BIRC3: variants seen among roughly 807,000 people sequenced by gnomAD.
The protein encoded by BIRC3 is baculoviral IAP repeat containing 3.
A neutral mutation model predicts 59.0 loss-of-function variants in BIRC3; 26 were observed. The observed-to-expected ratio is 0.44, with a 90% CI of 0.32 to 0.61. The LOEUF is 0.61. BIRC3 is among the 20% of genes least tolerant of loss of function. The probability of loss-of-function intolerance (pLI) is 0.04; values close to 1 mark genes in which losing one functional copy is unlikely to be tolerated. For missense variants in BIRC3, 641 were observed against 711.5 expected (o/e 0.90, Z 1.13); for synonymous variants, 243 against 249.2 (o/e 0.98, Z 0.24).
Position 102,335,897 on chromosome 11 carries a change from A to G in BIRC3, c.1325-69A>G, listed in dbSNP as rs560224874. On this transcript the variant is annotated intron_variant, in intron 6 of 8. Coordinates refer to ENST00000263464, the MANE Select transcript of BIRC3 (RefSeq NM_001165.5). ...AAAGATAGTTTTTATCCTGCTATAT[A>G]TATAGGACTGGAAGGAAGTTTGTGA... The G allele has an allele frequency of 6.0e-4, 882 of 1,462,140 alleles. 1 individual carries two copies. The highest frequency in any genetic ancestry group is 5.8e-3 in the Middle Eastern group (23 of 3,946). The allele number at this position is 1,462,140 out of a possible 1,614,324, so 90.6% of individuals were successfully genotyped here. A position where few individuals can be genotyped will look rare whatever the true frequency, so the allele number is the denominator to read the frequency against.
At position 102,337,239 on chromosome 11, in the gene BIRC3, T is replaced by C; in HGVS notation, c.*137T>C. On this transcript the variant is annotated 3_prime_UTR_variant, in exon 9 of 9. Transcript: ENST00000263464. ...AAAACATTGTTTTGTGTAACATATT[T>C]ATATATGTATCTAAACCATATGAAC... is the stretch of plus-strand genomic sequence containing the variant. 1.7e-6 allele frequency: 1 copy of C among 595,154 alleles called. No homozygotes were observed. The highest frequency in any genetic ancestry group is 2.6e-6 in the Non-Finnish European group (1 of 383,842). The allele number at this position is 595,154 out of a possible 1,614,324, so 36.9% of individuals were successfully genotyped here.
Position 102,338,380 on chromosome 11 carries a change from T to C in BIRC3, c.*1278T>C, listed in dbSNP as rs1477321394. The C allele has an allele frequency of 4.4e-6, 1 of 228,314 alleles. No individual in the cohort carries two copies. 14.1% of individuals were successfully genotyped at this position (228,314 alleles called of 1,614,324 possible). A position where few individuals can be genotyped will look rare whatever the true frequency, so the allele number is the denominator to read the frequency against. Reference sequence around the variant, plus strand: ...ATAAGGGTCACAGCTGACAATCCTATAACAAAAGACAGGTTAACAAGAGAA... The same window carrying C: ...ATAAGGGTCACAGCTGACAATCCTACAACAAAAGACAGGTTAACAAGAGAA... On this transcript the variant is annotated 3_prime_UTR_variant, in exon 9 of 9. Transcript: ENST00000263464.
chr11:102,319,508 T>A lies in BIRC3; in HGVS notation c.-2674+1937T>A, dbSNP rs1951009865. On this transcript the variant is annotated intron_variant, in intron 1 of 8. Transcript: ENST00000263464. ...TCTGAGGCAGTAGGACAGTGTAGGA[T>A]CCCATAAGGGGGCAAGTCTTTAACT... Among the ~76,000 whole-genome samples the A allele has an allele frequency of 2.0e-5, 3 of 152,192 alleles. No individual in the cohort carries two copies. In the South Asian group the frequency reaches 6.2e-4, roughly 31 times the overall value.
intron 3 of BIRC3, among the ~76,000 whole-genome samples, chr11:102,326,330 A>G (rs1951079949): frequency 6.6e-6 from 1 of 152,278 alleles, no homozygotes; most frequent in African/African-American, 2.4e-5. Context: ...GGGTAAGTAT[A>G]GACTCATCTC....
Position 102,330,997 on chromosome 11 carries a change from A to C in BIRC3, c.1082-2A>C. 2 of 1,608,994 alleles carry C rather than the reference A, an allele frequency of 1.2e-6. No homozygotes were observed. The highest frequency in any genetic ancestry group is 1.7e-6 in the Non-Finnish European group (2 of 1,178,214). On this transcript the variant is annotated splice_acceptor_variant, in intron 5 of 8. Transcript: ENST00000263464. LOFTEE classifies it high-confidence loss of function. ...ATGTGTTAAATTCTTTGTTCCATAT[A>C]GTTATCCATTTTGAACCTGGAGAAG...
chr11:102,324,194 G>T lies in BIRC3; in HGVS notation c.-316G>T. ...CTGTGGAGATGCCTGCCATTAAATG[G>T]CATCCTGATGGCTTAATACACATCA... is the stretch of plus-strand genomic sequence containing the variant. On this transcript the variant is annotated 5_prime_UTR_variant, in exon 2 of 9. Transcript: ENST00000263464. 1 of 247,960 alleles carries T rather than the reference G, an allele frequency of 4.0e-6. No homozygotes were observed. Among genetic ancestry groups the T allele is most frequent in the Non-Finnish European group, 7.8e-6 (1 of 128,234 alleles). The allele number at this position is 247,960 out of a possible 1,614,324, so 15.4% of individuals were successfully genotyped here.
In BIRC3 at chr11:102,337,432, C is replaced by T; in HGVS notation, c.*330C>T. The T allele has an allele frequency of 2.5e-6, 1 of 402,976 alleles. No homozygotes were observed. Among genetic ancestry groups the T allele is most frequent in the Non-Finnish European group, 4.4e-6 (1 of 229,648 alleles). 25.0% of individuals were successfully genotyped at this position (402,976 alleles called of 1,614,324 possible). On this transcript the variant is annotated 3_prime_UTR_variant, in exon 9 of 9. Coordinates refer to ENST00000263464, the MANE Select transcript of BIRC3 (RefSeq NM_001165.5). ...CCTTTAAGAATTTTAAATATTTTGGCATTGTACTAATACCGGGAACATGAA... is the reference window on the plus strand; with the variant it reads ...CCTTTAAGAATTTTAAATATTTTGGTATTGTACTAATACCGGGAACATGAA...
intron 1 of BIRC3, among the ~76,000 whole-genome samples, chr11:102,317,809 G>C (rs1591516961): frequency 6.6e-6 from 1 of 152,296 alleles, no homozygotes; most frequent in East Asian, 1.9e-4. Flanking sequence ...TCTATTTCAC[G>C]TTTGGAGTGA....
chr11:102,324,704 A>G lies in BIRC3; in HGVS notation c.195A>G (p.Lys65=). Residue 65 remains lysine, a synonymous_variant, in exon 2 of 9, where the codon AAA becomes AAG. Transcript: ENST00000263464. ...ACACTGGTGTGAATGACAAGGTCAA[A>G]TGCTTCTGTTGTGGCCTGATGCTGG... ...FYYTGVNDKV[K]CFCCGLMLDN... 6.2e-7 allele frequency: 1 copy of G among 1,614,182 alleles called. No homozygotes were observed. The highest frequency in any genetic ancestry group is 1.1e-5 in the South Asian group (1 of 91,086).
chr11:102,325,573 T>C lies in BIRC3; in HGVS notation c.953+8T>C. 6.2e-7 allele frequency: 1 copy of C among 1,608,912 alleles called. No homozygotes were observed. On this transcript the variant is annotated splice_region_variant and intron_variant, in intron 3 of 8. Coordinates refer to ENST00000263464, the MANE Select transcript of BIRC3 (RefSeq NM_001165.5). The stretch of plus-strand genomic sequence containing the variant: ...TGCCAAGTGGTTTCCAAGGTAATTG[T>C]TTTGAAATTCTCTTTGCAAATTCTT...
chr11:102,336,129 T>A lies in BIRC3; in HGVS notation c.1488T>A (p.Ile496=). ...TQTSLQAREL[I]DTILVKGNIA... is the part of the protein sequence containing the mutation. ...CGTCTTTACAAGCAAGAGAACTGATTGATACGATTTTAGTAAAAGGAAATA... is the reference window on the plus strand; with the variant it reads ...CGTCTTTACAAGCAAGAGAACTGATAGATACGATTTTAGTAAAAGGAAATA... Residue 496 remains isoleucine, a synonymous_variant, in exon 7 of 9, where the codon ATT becomes ATA. Coordinates refer to ENST00000263464, the MANE Select transcript of BIRC3 (RefSeq NM_001165.5). 1.9e-6 allele frequency: 3 copies of A among 1,613,932 alleles called. No individual in the cohort carries two copies. Among genetic ancestry groups the A allele is most frequent in the Non-Finnish European group, 2.5e-6 (3 of 1,179,912 alleles).
Position 102,325,119 on chromosome 11 carries a change from G to T in BIRC3, c.610G>T (p.Ala204Ser). Residue 204 changes from alanine (A) to serine (S), a missense_variant, in exon 2 of 9, where the codon GCT (alanine) becomes TCT (serine). Around this residue, in one of 4 missense-constraint regions of BIRC3, gnomAD observed 329 missense variants for 365.6 expected, o/e 0.90. Transcript: ENST00000263464. ...FYYIGPGDRV[A>S]CFACGGKLSN... ...CTACATAGGACCTGGAGACAGAGTG[G>T]CTTGCTTTGCCTGTGGTGGAAAATT... 1 of 1,614,184 alleles carries T rather than the reference G, an allele frequency of 6.2e-7. No homozygotes were observed. The highest frequency in any genetic ancestry group is 1.3e-5 in the African/African-American group (1 of 75,046).
At chr11:102,321,766 T>A (rs1951032845) in intron 1 of BIRC3, 71 bp from the exon 2 acceptor site, 1 of 173,066 alleles carries the variant, frequency 5.8e-6, no homozygotes, top group Non-Finnish European at 1.3e-5. Context: ...AATGATTTTT[T>A]AAAAAGTCAT....
At position 102,324,463 on chromosome 11, in the gene BIRC3, C is replaced by T. The variant is rs1161955910; in HGVS notation, c.-47C>T. 2 of 1,533,076 alleles carry T rather than the reference C, an allele frequency of 1.3e-6. No individual in the cohort carries two copies. Among genetic ancestry groups the T allele is most frequent in the African/African-American group, 1.4e-5 (1 of 72,016 alleles). 95.0% of individuals were successfully genotyped at this position (1,533,076 alleles called of 1,614,324 possible). The stretch of plus-strand genomic sequence containing the variant: ...AAAAGCAAAGCCATGCACAAAACTA[C>T]CTCCCTAGAGAAAGGCTAGTCCCTT... On this transcript the variant is annotated 5_prime_UTR_variant, in exon 2 of 9. Coordinates refer to ENST00000263464, the MANE Select transcript of BIRC3 (RefSeq NM_001165.5).
intron 1 of BIRC3, among the ~76,000 whole-genome samples, chr11:102,320,574 G>A (rs143996342): frequency 6.6e-6 from 1 of 152,170 alleles, no homozygotes; most frequent in Non-Finnish European, 1.5e-5. Context: ...CTTGTGGGGT[G>A]TCTCTTTTAA....
chr11:102,336,839 G>C, intron 8 of BIRC3, 38 bp downstream of exon 8: 1 of 1,585,538 alleles, frequency 6.3e-7, no homozygotes, highest in South Asian at 1.2e-5. Flanking sequence ...AGAGAACATT[G>C]TCTTTATTTT....
rs1267140238 is a variant in BIRC3 at position 102,325,584 on chromosome 11, T to C, written c.953+19T>C. On this transcript the variant is annotated intron_variant, in intron 3 of 8. Coordinates refer to ENST00000263464, the MANE Select transcript of BIRC3 (RefSeq NM_001165.5). The stretch of plus-strand genomic sequence containing the variant: ...TTCCAAGGTAATTGTTTTGAAATTC[T>C]CTTTGCAAATTCTTGTGATTATCAT... 6.2e-7 allele frequency: 1 copy of C among 1,604,724 alleles called. No individual in the cohort carries two copies. The highest frequency in any genetic ancestry group is 8.5e-7 in the Non-Finnish European group (1 of 1,174,136).
At chr11:102,318,099 A>T (rs1950991065) in intron 1 of BIRC3, among the ~76,000 whole-genome samples, 1 of 152,334 alleles carries the variant, frequency 6.6e-6, no homozygotes, top group South Asian at 2.1e-4. Context: ...TAACGTAACA[A>T]TAATATTAAA....
intron 1 of BIRC3, among the ~76,000 whole-genome samples, chr11:102,320,793 G>C (rs746694218): frequency 8.5e-5 from 13 of 152,172 alleles, no homozygotes; most frequent in Non-Finnish European, 1.3e-4. Context: ...ATGACAAATA[G>C]CAACAGTCTG....
Sources: allele counts gnomAD v4.1 joint callset (sites outside exome capture counted in the v4.1 genomes callset), GRCh38; gene constraint gnomAD v4.1.1; regional missense constraint gnomAD v4.1.1; transcripts MANE v1.5; gene names NCBI Gene and HGNC (gene_info 2026-07-23, HGNC 2026-07-21).